TEAD1: variants seen among roughly 807,000 people sequenced by gnomAD.
TEAD1 encodes TEA domain transcription factor 1, also known as transcriptional enhancer factor TEF-1.
TEAD1 carries 9 observed loss-of-function variants against 54.9 expected under a neutral mutation model. The ratio of observed to expected loss-of-function variants is 0.16; its 90% CI spans 0.10 to 0.29. TEAD1 has a LOEUF of 0.29. TEAD1 is among the 10% of genes least tolerant of loss of function. The pLI, the probability that TEAD1 is intolerant of heterozygous loss-of-function variation, is 1.00. For missense variants in TEAD1, 387 were observed against 535.9 expected (o/e 0.72, Z 2.74); for synonymous variants, 200 against 187.8 (o/e 1.07, Z -0.53).
intron 12 of TEAD1, among the ~76,000 whole-genome samples, chr11:12,935,488 C>G (rs764213816): frequency 1.3e-5 from 2 of 148,930 alleles, no homozygotes; most frequent in Non-Finnish European, 3.0e-5. Flanking sequence ...GAGGTAGAGT[C>G]TTGCTCTGTT....
At chr11:12,895,642 A>G (rs1451753603) in intron 9 of TEAD1, among the ~76,000 whole-genome samples, 3 of 152,212 alleles carry the variant, frequency 2.0e-5, no homozygotes, top group African/African-American at 7.2e-5. Context: ...CTTTCAAGAT[A>G]GTTTTTGATT....
chr11:12,852,182 C>G (rs1947287736), intron 3 of TEAD1, among the ~76,000 whole-genome samples: 1 of 152,108 alleles, frequency 6.6e-6, no homozygotes, highest in Non-Finnish European at 1.5e-5. Flanking sequence ...CTATGAAGAG[C>G]CACATTCTAG....
At chr11:12,807,944 C>G in intron 3 of TEAD1, among the ~76,000 whole-genome samples, 1 of 152,082 alleles carries the variant, frequency 6.6e-6, no homozygotes, top group Non-Finnish European at 1.5e-5. Flanking sequence ...AGCCCGAGTC[C>G]TAGATGTAAT....
intron 9 of TEAD1, among the ~76,000 whole-genome samples, chr11:12,886,884 T>G (rs894962023): frequency 1.3e-5 from 2 of 152,156 alleles, no homozygotes; most frequent in Admixed American, 1.3e-4. Context: ...TATGTTGATG[T>G]TTCTGGCTTG....
chr11:12,881,525 A>G (rs190870150), intron 7 of TEAD1, among the ~76,000 whole-genome samples: 4 of 152,322 alleles, frequency 2.6e-5, no homozygotes, highest in South Asian at 2.1e-4. Flanking sequence ...CCTTGCCTAT[A>G]TGCTGTAAAA....
intron 3 of TEAD1, among the ~76,000 whole-genome samples, chr11:12,845,910 T>C (rs1385183743): frequency 2.0e-5 from 3 of 152,230 alleles, no homozygotes; most frequent in African/African-American, 7.2e-5. Context: ...AGAGGCCGGC[T>C]TGCCAGGTCC....
chr11:12,860,191 GAC>G (rs1187472140), intron 3 of TEAD1, among the ~76,000 whole-genome samples: 4 of 152,174 alleles, frequency 2.6e-5, no homozygotes, highest in African/African-American at 9.7e-5. Flanking sequence ...TAAGGGACTG[GAC>G]TTCTTGTTAA....
chr11:12,800,847 C>G (rs1946044010), intron 3 of TEAD1, among the ~76,000 whole-genome samples: 1 of 152,140 alleles, frequency 6.6e-6, no homozygotes, highest in South Asian at 2.1e-4. Flanking sequence ...TCTAAGAGTC[C>G]TATATAGCTG....
rs565291653 is a variant in TEAD1, at chr11:12,708,408, A to G, written c.-55+32847A>G. 6.6e-5 allele frequency among the ~76,000 whole-genome samples: 10 copies of G among 152,136 alleles called. No individual in the cohort carries two copies. In the East Asian group the frequency reaches 1.9e-3, roughly 30 times the overall value. The stretch of plus-strand genomic sequence containing the variant: ...AGGTGAGTATGGATTAGTGCCAAGG[A>G]AAGTTTTCTGGGTCAGAGACTTTAT... On this transcript the variant is annotated intron_variant, in intron 2 of 12. Transcript: ENST00000527636.
chr11:12,690,627 G>C (rs1269404802), intron 2 of TEAD1, among the ~76,000 whole-genome samples: 1 of 152,156 alleles, frequency 6.6e-6, no homozygotes, highest in Non-Finnish European at 1.5e-5. Flanking sequence ...ATATTTCATA[G>C]CTAGTATTCT....
rs77494528 is a variant in TEAD1 at position 12,706,277 on chromosome 11, A to G, written c.-55+30716A>G. Reference sequence around the variant, plus strand: ...TTCCCTTCAAGTCAAGTATTTCCTGATAAGAAATATTCTACATTAAAAGAG... The same window carrying G: ...TTCCCTTCAAGTCAAGTATTTCCTGGTAAGAAATATTCTACATTAAAAGAG... On this transcript the variant is annotated intron_variant, in intron 2 of 12. Coordinates refer to ENST00000527636, the MANE Select transcript of TEAD1 (RefSeq NM_021961.6). Among the ~76,000 whole-genome samples, 1,166 of 152,314 alleles carry G rather than the reference A, an allele frequency of 7.7e-3. 14 individuals are homozygous for G. Among genetic ancestry groups the G allele is most frequent in the African/African-American group, 0.027 (1,111 of 41,576 alleles).
chr11:12,863,652 T>C (rs1388286716), intron 4 of TEAD1, among the ~76,000 whole-genome samples: 1 of 152,174 alleles, frequency 6.6e-6, no homozygotes, highest in Non-Finnish European at 1.5e-5. Context: ...TGGAAAGTTC[T>C]ACATTTCGGA....
intron 3 of TEAD1, among the ~76,000 whole-genome samples, chr11:12,789,796 C>T (rs1452361593): frequency 6.6e-6 from 1 of 152,236 alleles, no homozygotes; most frequent in African/African-American, 2.4e-5. Flanking sequence ...TCAGCTGGGC[C>T]TGTGGAGGCA....
intron 1 of TEAD1, 90 bp from the exon 2 acceptor site, chr11:12,675,318 CG>C (rs1401445277): frequency 6.6e-6 from 1 of 152,174 alleles, no homozygotes; most frequent in East Asian, 1.9e-4. Flanking sequence ...GAGGCCGGCC[CG>C]GGTCTGCGCA....
At chr11:12,683,960 C>T (rs1019340919) in intron 2 of TEAD1, among the ~76,000 whole-genome samples, 3 of 152,160 alleles carry the variant, frequency 2.0e-5, no homozygotes, top group Non-Finnish European at 4.4e-5. Flanking sequence ...TTCAGTTGTG[C>T]CCACTATATA....
intron 3 of TEAD1, among the ~76,000 whole-genome samples, chr11:12,784,931 A>G (rs1348853240): frequency 6.6e-6 from 1 of 152,194 alleles, no homozygotes; most frequent in Non-Finnish European, 1.5e-5. Flanking sequence ...CTGGAGAATC[A>G]GCTCCCTTTT....
intron 4 of TEAD1, chr11:12,864,628 T>TTTTGTTTTGTTTTGG: frequency 9.2e-7 from 1 of 1,091,346 alleles, no homozygotes; most frequent in Non-Finnish European, 1.2e-6. Context: ...TTTTGTTTTG[T>TTTTGTTTTGTTTTGG]TTTGTTTTGT....
At chr11:12,773,324 C>G (rs151178245) in intron 3 of TEAD1, among the ~76,000 whole-genome samples, 131 of 152,270 alleles carry the variant, frequency 8.6e-4, no homozygotes, top group East Asian at 5.8e-3. Context: ...GGTATTTGTA[C>G]ATTCAGTATT....
intron 2 of TEAD1, among the ~76,000 whole-genome samples, chr11:12,694,706 G>A (rs1303274337): frequency 6.6e-6 from 1 of 152,154 alleles, no homozygotes; most frequent in Non-Finnish European, 1.5e-5. Context: ...TTAAAATTGA[G>A]TGTGACTCAT....
Sources: gnomAD v4.1 joint callset for allele counts (sites outside exome capture counted in the v4.1 genomes callset) on GRCh38, gnomAD v4.1.1 for gene constraint, MANE v1.5 for transcripts, NCBI Gene and HGNC (gene_info 2026-07-23, HGNC 2026-07-21) for gene names.